Variants in CES3 observed in about 807,000 individuals in gnomAD.
CES3 encodes carboxylesterase 3 (brain).
A neutral mutation model predicts 57.6 loss-of-function variants in CES3; 49 were observed. The observed-to-expected ratio is 0.85, with a 90% CI of 0.68 to 1.08. CES3 has a LOEUF of 1.08. CES3 is among the 50% of genes least tolerant of loss of function. The pLI is 0.00. For synonymous variants in CES3, 266 were observed against 281.6 expected (o/e 0.94, Z 0.55); for missense variants, 645 against 742.0 (o/e 0.87, Z 1.52).
Position 66,966,355 on chromosome 16 carries a change from C to T in CES3, c.921+10C>T, listed in dbSNP as rs1597021129. 1 of 1,612,520 alleles carries T rather than the reference C, an allele frequency of 6.2e-7. No individual in the cohort carries two copies. The highest frequency in any genetic ancestry group is 1.7e-5 in the Admixed American group (1 of 60,002). On this transcript the variant is annotated intron_variant, in intron 7 of 12. Coordinates refer to ENST00000303334, the MANE Select transcript of CES3 (RefSeq NM_024922.6). ...CCTTAGCAAGAAGCTGGTATGGCCA[C>T]CCTTTTGGGGATGGTGCCGGGCAAT... is the stretch of plus-strand genomic sequence containing the variant.
intron 9 of CES3, among the ~76,000 whole-genome samples, chr16:66,970,811 G>C (rs555352132): frequency 1.3e-5 from 2 of 152,342 alleles, no homozygotes; most frequent in East Asian, 3.9e-4. Context: ...CTCTGGAGCT[G>C]AGGGGAGCCC....
At chr16:66,971,470 G>T in intron 10 of CES3, 151 bp downstream of exon 10, 1 of 739,590 alleles carries the variant, frequency 1.4e-6, no homozygotes, top group South Asian at 1.8e-5. Context: ...CTTTCTCTGG[G>T]ATGCAGTGTC....
rs1290632268 is a variant in CES3, at chr16:66,975,081, C to T, written c.*2032C>T. 1 of 152,304 alleles carries T rather than the reference C, an allele frequency of 6.6e-6. No homozygotes were observed. The highest frequency in any genetic ancestry group is 1.5e-5 in the Non-Finnish European group (1 of 68,116). 9.4% of individuals were successfully genotyped at this position (152,304 alleles called of 1,614,324 possible). Reference sequence around the variant, plus strand: ...GCCTGAGCCAGCAGTGACAACCCCCCTCGGGTCCCCTCCCACGCCGTGGAA... The same window carrying T: ...GCCTGAGCCAGCAGTGACAACCCCCTTCGGGTCCCCTCCCACGCCGTGGAA... On this transcript the variant is annotated 3_prime_UTR_variant, in exon 13 of 13. Coordinates refer to ENST00000303334, the MANE Select transcript of CES3 (RefSeq NM_024922.6).
At position 66,963,688 on chromosome 16, in the gene CES3, C is replaced by G; in HGVS notation, c.426+59C>G. ...CAGCTCCACTATGCCTACCTGTCCC[C>G]TCCCCGTCCCTGTTTCCAAAGCACC... On this transcript the variant is annotated intron_variant, in intron 3 of 12. Coordinates refer to ENST00000303334, the MANE Select transcript of CES3 (RefSeq NM_024922.6). This position sits in a 1 kb window ranked among gnomAD's most constrained non-coding sequence, Gnocchi z 4.9. 6.2e-7 allele frequency: 1 copy of G among 1,613,148 alleles called. No individual in the cohort carries two copies. The highest frequency in any genetic ancestry group is 8.5e-7 in the Non-Finnish European group (1 of 1,179,648).
In CES3 at chr16:66,963,831, G is replaced by T; in HGVS notation, c.456G>T (p.Leu152=). 1 of 1,614,178 alleles carries T rather than the reference G, an allele frequency of 6.2e-7. No individual in the cohort carries two copies. The highest frequency in any genetic ancestry group is 8.5e-7 in the Non-Finnish European group (1 of 1,179,990). The change falls in exon 4 of 13, where the codon CTG becomes CTT. Residue 152 remains leucine (L), a synonymous_variant. Coordinates refer to ENST00000303334, the MANE Select transcript of CES3 (RefSeq NM_024922.6). This position sits in a 1 kb window ranked among gnomAD's most constrained non-coding sequence, Gnocchi z 4.9. ...PVMVWVHGGA[L]ITGAATSYDG... The stretch of plus-strand genomic sequence containing the variant: ...TGGTATGGGTCCATGGAGGCGCTCT[G>T]ATAACTGGCGCTGCCACCTCCTACG...
Position 66,963,404 on chromosome 16 carries a change from C to T in CES3, c.287+21C>T, listed in dbSNP as rs200311044. The T allele has an allele frequency of 2.2e-3, 3,469 of 1,611,382 alleles. 9 individuals carry two copies. Among genetic ancestry groups the T allele is most frequent in the Non-Finnish European group, 2.7e-3 (3,171 of 1,178,570 alleles). Reference sequence around the variant, plus strand: ...CCAATGTGAGTAGTGCTGGTGGAGGCGGGCAAACAGGCAGGTTGCAGGAGA... The same window carrying T: ...CCAATGTGAGTAGTGCTGGTGGAGGTGGGCAAACAGGCAGGTTGCAGGAGA... On this transcript the variant is annotated intron_variant, in intron 2 of 12. Transcript: ENST00000303334. The surrounding 1 kb of genome is among the most constrained non-coding windows in gnomAD (Gnocchi z 4.9).
rs1254737034 is a variant in CES3 at position 66,963,040 on chromosome 16, A to T, written c.83-139A>T. ...GGAGGAAGTTGGGCGTCAACCTAAG[A>T]CCAGGCTCACCGGCTTGCTGGGAAG... On this transcript the variant is annotated intron_variant, in intron 1 of 12. Coordinates refer to ENST00000303334, the MANE Select transcript of CES3 (RefSeq NM_024922.6). The surrounding 1 kb of genome is among the most constrained non-coding windows in gnomAD (Gnocchi z 4.9). 5.5e-6 allele frequency: 5 copies of T among 904,312 alleles called. No individual in the cohort carries two copies. Among genetic ancestry groups the T allele is most frequent in the South Asian group, 1.4e-5 (1 of 70,980 alleles). 56.0% of individuals were successfully genotyped at this position (904,312 alleles called of 1,614,324 possible). A position where few individuals can be genotyped will look rare whatever the true frequency, so the allele number is the denominator to read the frequency against.
In CES3 at chr16:66,971,228, G is replaced by A. The variant is rs771611125; in HGVS notation, c.1200G>A (p.Ser400=). The part of the protein sequence containing the change: ...TVIDEYLGSN[S]DAQAKCQAFQ... Reference sequence around the variant, plus strand: ...TAGATGAATACCTAGGAAGCAACTCGGACGCACAAGCCAAATGCCAGGCGT... The same window carrying A: ...TAGATGAATACCTAGGAAGCAACTCAGACGCACAAGCCAAATGCCAGGCGT... Residue 400 remains serine (S), a synonymous_variant, in exon 10 of 13, where the codon TCG becomes TCA. Transcript: ENST00000303334. 13 of 1,613,998 alleles carry A rather than the reference G, an allele frequency of 8.1e-6. No individual in the cohort carries two copies. Among genetic ancestry groups the A allele is most frequent in the African/African-American group, 2.7e-5 (2 of 74,912 alleles).
chr16:66,965,927 G>A (rs1174633680), intron 6 of CES3, among the ~76,000 whole-genome samples: 5 of 152,134 alleles, frequency 3.3e-5, no homozygotes, highest in African/African-American at 4.8e-5. Flanking sequence ...GCGACAGAGC[G>A]AGAGTCTGTC....
At chr16:66,970,982 C>A (rs888138061) in intron 9 of CES3, among the ~76,000 whole-genome samples, 190 bp from the exon 10 acceptor site, 2 of 152,188 alleles carry the variant, frequency 1.3e-5, no homozygotes, top group African/African-American at 4.8e-5. Flanking sequence ...GCAGTGGTTG[C>A]AGAGCTAAGA....
chr16:66,964,957 C>T (rs1963709606), intron 6 of CES3, among the ~76,000 whole-genome samples: 1 of 152,214 alleles, frequency 6.6e-6, no homozygotes, highest in Admixed American at 6.5e-5. Flanking sequence ...ATTGTTGGCC[C>T]TTTCTCCAGG....
In CES3 at chr16:66,975,076, C is replaced by A. The variant is rs1387338622; in HGVS notation, c.*2027C>A. 6.6e-6 allele frequency: 1 copy of A among 152,240 alleles called. No individual in the cohort carries two copies. Among genetic ancestry groups the A allele is most frequent in the African/African-American group, 2.4e-5 (1 of 41,444 alleles). The allele number at this position is 152,240 out of a possible 1,614,324, so 9.4% of individuals were successfully genotyped here. A position where few individuals can be genotyped will look rare whatever the true frequency, so the allele number is the denominator to read the frequency against. ...AGGCTGCCTGAGCCAGCAGTGACAA[C>A]CCCCCTCGGGTCCCCTCCCACGCCG... On this transcript the variant is annotated 3_prime_UTR_variant, in exon 13 of 13. Coordinates refer to ENST00000303334, the MANE Select transcript of CES3 (RefSeq NM_024922.6).
rs1363566955 is a variant in CES3, at chr16:66,963,242, G to A, written c.146G>A (p.Gly49Asp). The A allele has an allele frequency of 6.2e-7, 1 of 1,614,212 alleles. No homozygotes were observed. The highest frequency in any genetic ancestry group is 8.5e-7 in the Non-Finnish European group (1 of 1,180,042). The change falls in exon 2 of 13, where the codon GGC (glycine) becomes GAC (aspartate). Residue 49 changes from glycine to aspartate, a missense_variant. Physicochemically the swap from Gly to Asp is moderately conservative, Grantham distance 94 (BLOSUM62 -1). Coordinates refer to ENST00000303334, the MANE Select transcript of CES3 (RefSeq NM_024922.6). The surrounding 1 kb of genome is among the most constrained non-coding windows in gnomAD (Gnocchi z 4.9). The stretch of plus-strand genomic sequence containing the variant: ...GGTCGTGTGCGAGGCCGGCAGGTGG[G>A]CGTGAAGGGCACAGACCGCCTTGTG... ...TLGRVRGRQV[G>D]VKGTDRLVNV... is the part of the protein sequence containing the mutation.
Position 66,966,335 on chromosome 16 carries a change from G to C in CES3, c.911G>C (p.Ser304Thr). 1 of 1,613,616 alleles carries C rather than the reference G, an allele frequency of 6.2e-7. No individual in the cohort carries two copies. Among genetic ancestry groups the C allele is most frequent in the Non-Finnish European group, 8.5e-7 (1 of 1,179,974 alleles). Residue 304 changes from serine to threonine, a missense_variant, in exon 7 of 13, where the codon AGC (serine) becomes ACC (threonine). By Grantham distance (58) the Ser-to-Thr change is moderately conservative. Transcript: ENST00000303334. ...QQKEGEELVL[S>T]KKLKNTIYPL... is the part of the protein sequence containing the mutation. Reference sequence around the variant, plus strand: ...AAAGAAGGAGAAGAGCTGGTCCTTAGCAAGAAGCTGGTATGGCCACCCTTT... The same window carrying C: ...AAAGAAGGAGAAGAGCTGGTCCTTACCAAGAAGCTGGTATGGCCACCCTTT...
At chr16:66,965,168 G>C (rs1236479096) in intron 6 of CES3, among the ~76,000 whole-genome samples, 1 of 152,258 alleles carries the variant, frequency 6.6e-6, no homozygotes, top group African/African-American at 2.4e-5. Flanking sequence ...GTGGGAGAGA[G>C]TGACAGGTCC....
intron 6 of CES3, among the ~76,000 whole-genome samples, chr16:66,965,391 G>C (rs1963715079): frequency 6.6e-6 from 1 of 152,202 alleles, no homozygotes; most frequent in African/African-American, 2.4e-5. Context: ...CCAGGAGAAA[G>C]AGACAGGATG....
At position 66,974,494 on chromosome 16, in the gene CES3, A is replaced by G. The variant is rs1392923567; in HGVS notation, c.*1445A>G. 1 of 152,588 alleles carries G rather than the reference A, an allele frequency of 6.6e-6. No homozygotes were observed. The highest frequency in any genetic ancestry group is 2.4e-5 in the African/African-American group (1 of 41,318). 9.5% of individuals were successfully genotyped at this position (152,588 alleles called of 1,614,324 possible). ...CAGGGCTCGGGACCTGCAGCCCTCC[A>G]TGCCTGACCCTCCCCCCACCCCCCG... On this transcript the variant is annotated 3_prime_UTR_variant, in exon 13 of 13. Transcript: ENST00000303334.
rs376078155 is a variant in CES3 at position 66,972,499 on chromosome 16, C to T, written c.1435C>T (p.Arg479Cys). 20 of 1,612,400 alleles carry T rather than the reference C, an allele frequency of 1.2e-5. No homozygotes were observed. The highest frequency in any genetic ancestry group is 2.7e-5 in the African/African-American group (2 of 74,982). Reference protein sequence around the residue: ...GGPFLMDESSRLAFPEATEEE... With the variant: ...GGPFLMDESSCLAFPEATEEE... Reference sequence around the variant, plus strand: ...TCCCTTCCTCATGGACGAGAGCTCCCGCCTGGGTGAGGACAGACAGACAGA... The same window carrying T: ...TCCCTTCCTCATGGACGAGAGCTCCTGCCTGGGTGAGGACAGACAGACAGA... Residue 479 changes from arginine to cysteine, a missense_variant, in exon 11 of 13, where the codon CGC (arginine) becomes TGC (cysteine). Arg to Cys is a radical substitution (Grantham distance 180). Coordinates refer to ENST00000303334, the MANE Select transcript of CES3 (RefSeq NM_024922.6).
chr16:66,963,655 A>G lies in CES3; in HGVS notation c.426+26A>G. On this transcript the variant is annotated intron_variant, in intron 3 of 12. Coordinates refer to ENST00000303334, the MANE Select transcript of CES3 (RefSeq NM_024922.6). This position sits in a 1 kb window ranked among gnomAD's most constrained non-coding sequence, Gnocchi z 4.9. ...GTAGGCACCCCAGAGGGCCCTGTCC[A>G]CCTGATCCAGCTCCACTATGCCTAC... The G allele has an allele frequency of 6.2e-7, 1 of 1,613,782 alleles. No individual in the cohort carries two copies. Among genetic ancestry groups the G allele is most frequent in the Non-Finnish European group, 8.5e-7 (1 of 1,179,984 alleles).
Sources: gnomAD v4.1 joint callset for allele counts (sites outside exome capture counted in the v4.1 genomes callset) on GRCh38, gnomAD v4.1.1 for gene constraint, Gnocchi (gnomAD v3.1) non-coding constraint, MANE v1.5 for transcripts, NCBI Gene and HGNC (gene_info 2026-07-23, HGNC 2026-07-21) for gene names.